DHX29: variants seen among roughly 807,000 people sequenced by gnomAD.
DHX29 encodes ATP-dependent RNA helicase DHX29.
In DHX29, 79 loss-of-function variants were observed where a neutral mutation model predicts 167.9. The ratio of observed to expected loss-of-function variants is 0.47; its 90% CI spans 0.39 to 0.57. DHX29 has a LOEUF of 0.57. Among genes scored for constraint, DHX29 ranks in the 20% least tolerant of loss-of-function variants. DHX29 has a pLI of 0.00. For missense variants in DHX29, 1,347 were observed against 1,593.4 expected (o/e 0.85, Z 2.63); for synonymous variants, 530 against 546.0 (o/e 0.97, Z 0.41).
intron 23 of DHX29, 146 bp from the exon 24 acceptor site, chr5:55,263,078 G>GA (rs545988780): frequency 5.2e-3 from 2,845 of 541,966 alleles, no homozygotes; most frequent in South Asian, 7.9e-3. Context: ...TTACCTTAGG[G>GA]AAAAAAAAAA....
chr5:55,262,647 G>A lies in DHX29; in HGVS notation c.3811C>T (p.Leu1271Phe). 6.2e-7 allele frequency: 1 copy of A among 1,614,014 alleles called. No individual in the cohort carries two copies. The highest frequency in any genetic ancestry group is 8.5e-7 in the Non-Finnish European group (1 of 1,179,916). The change falls in exon 24 of 27, where the codon CTC becomes TTC. Residue 1271 changes from leucine (L) to phenylalanine (F), a missense_variant. Coordinates refer to ENST00000251636, the MANE Select transcript of DHX29 (RefSeq NM_019030.4). ...TACTTCACCTTCTCCTGGTATAAGAGCCATCCATGAGTTTGCAAATCTCGA... is the reference window on the plus strand; with the variant it reads ...TACTTCACCTTCTCCTGGTATAAGAACCATCCATGAGTTTGCAAATCTCGA... ...VNRDLQTHGWLLYQEKIRYAR... is the reference protein window; with the variant it reads ...VNRDLQTHGWFLYQEKIRYAR...
chr5:55,287,989 G>A (rs971713452), intron 8 of DHX29, among the ~76,000 whole-genome samples: 4 of 150,020 alleles, frequency 2.7e-5, no homozygotes, highest in East Asian at 2.0e-4. Context: ...AGTGGCTCAC[G>A]CCTGTAATCC....
chr5:55,286,305 T>A (rs1351327821), intron 8 of DHX29, among the ~76,000 whole-genome samples: 1 of 151,932 alleles, frequency 6.6e-6, no homozygotes, highest in Non-Finnish European at 1.5e-5. Flanking sequence ...AAAGCTTGAT[T>A]TTCTTCTATG....
rs541012812 is a variant in DHX29 at position 55,285,641 on chromosome 5, A to C, written c.1232+55T>G. ...CAGGGAACAAAAAGATTTCCACCTT[A>C]AATTTTTCTAAAGTTCATTCAGTTA... On this transcript the variant is annotated intron_variant, in intron 9 of 26. Coordinates refer to ENST00000251636, the MANE Select transcript of DHX29 (RefSeq NM_019030.4). The C allele has an allele frequency of 5.9e-5, 88 of 1,497,482 alleles. 1 individual carries two copies. The African/African-American group carries it at 1.1e-3, about 20-fold the overall frequency. 92.8% of individuals were successfully genotyped at this position (1,497,482 alleles called of 1,614,324 possible). A position where few individuals can be genotyped will look rare whatever the true frequency, so the allele number is the denominator to read the frequency against.
At chr5:55,257,164 T>C (rs564338627) in intron 26 of DHX29, among the ~76,000 whole-genome samples, 1 of 152,312 alleles carries the variant, frequency 6.6e-6, no homozygotes, top group East Asian at 1.9e-4. Context: ...AGGGGTTTTG[T>C]TAACAACTGC....
rs1579784742 is a variant in DHX29 at position 55,281,389 on chromosome 5, G to A, written c.2092C>T (p.His698Tyr). The change falls in exon 12 of 27, where the codon CAT (histidine) becomes TAT (tyrosine). Residue 698 changes from histidine (H) to tyrosine (Y), a missense_variant. Coordinates refer to ENST00000251636, the MANE Select transcript of DHX29 (RefSeq NM_019030.4). ...CCACTCACCTCATCTACAATAACAT[G>A]AGACACATTACTTAGAAGACCATCT... ...QEDGLLSNVSHVIVDEVHERS... is the reference protein window; with the variant it reads ...QEDGLLSNVSYVIVDEVHERS... The A allele has an allele frequency of 6.3e-7, 1 of 1,598,128 alleles. No homozygotes were observed. Among genetic ancestry groups the A allele is most frequent in the Non-Finnish European group, 8.5e-7 (1 of 1,172,364 alleles).
Position 55,294,025 on chromosome 5 carries a change from AT to A in DHX29, c.771del (p.Lys257AsnfsTer27). ...CACAAATTTCTACTCACAGGGTCAAATTTTTCCTCCTCTTCTAAACTTTTAG... is the reference window on the plus strand; with the variant it reads ...CACAAATTTCTACTCACAGGGTCAAATTTTCCTCCTCTTCTAAACTTTTAG... ...ENSKSLEEEE[K>X]FDPNERYLHL... is the part of the protein sequence containing the mutation. On this transcript the variant is annotated frameshift_variant, in exon 6 of 27. Transcript: ENST00000251636. LOFTEE classifies it high-confidence loss of function. The A allele has an allele frequency of 6.2e-7, 1 of 1,605,820 alleles. No individual in the cohort carries two copies. The highest frequency in any genetic ancestry group is 8.5e-7 in the Non-Finnish European group (1 of 1,177,720).
At chr5:55,304,666 T>C (rs926842544) in intron 1 of DHX29, among the ~76,000 whole-genome samples, 4 of 151,220 alleles carry the variant, frequency 2.6e-5, no homozygotes, top group Non-Finnish European at 5.9e-5. Flanking sequence ...CCCACCCTCC[T>C]CCCTATTCGG....
At chr5:55,301,213 T>C (rs963524630) in intron 1 of DHX29, among the ~76,000 whole-genome samples, 3 of 152,184 alleles carry the variant, frequency 2.0e-5, no homozygotes, top group Non-Finnish European at 2.9e-5. Flanking sequence ...TCGTAACATC[T>C]AGCTTCTGCA....
Position 55,290,269 on chromosome 5 carries a change from T to A in DHX29, c.856A>T (p.Asn286Tyr). The A allele has an allele frequency of 5.0e-6, 8 of 1,612,396 alleles. No homozygotes were observed. Among genetic ancestry groups the A allele is most frequent in the Non-Finnish European group, 6.8e-6 (8 of 1,179,828 alleles). Residue 286 changes from asparagine to tyrosine, a missense_variant, in exon 7 of 27, where the codon AAC becomes TAC. Coordinates refer to ENST00000251636, the MANE Select transcript of DHX29 (RefSeq NM_019030.4). The part of the protein sequence containing the change: ...EQAATFKLEK[N>Y]KQGQKEAQEK... The stretch of plus-strand genomic sequence containing the variant: ...TGAGCCTCTTTTTGGCCTTGCTTGT[T>A]TTTTTCTAGTTTAAAGGTAGCTGCT...
At chr5:55,306,867 C>G (rs556062268) in intron 1 of DHX29, among the ~76,000 whole-genome samples, 1 of 152,264 alleles carries the variant, frequency 6.6e-6, no homozygotes, top group East Asian at 1.9e-4. Context: ...GAAACGAGGG[C>G]AGACAATTTT....
chr5:55,276,496 T>C (rs976374793), intron 13 of DHX29, 90 bp from the exon 14 acceptor site: 4 of 981,708 alleles, frequency 4.1e-6, no homozygotes, highest in Non-Finnish European at 6.0e-6. Flanking sequence ...ACCTTTTGAA[T>C]GTCACCAAAT....
At chr5:55,293,973 C>G (rs1206358679) in intron 6 of DHX29, 44 bp downstream of exon 6, 2 of 1,586,186 alleles carry the variant, frequency 1.3e-6, no homozygotes, top group Admixed American at 3.6e-5. Flanking sequence ...ATATATCTTG[C>G]TTAAGAGCAT....
rs538280160 is a variant in DHX29, at chr5:55,270,824, G to A, written c.2865-118C>T. On this transcript the variant is annotated intron_variant, in intron 18 of 26. Transcript: ENST00000251636. ...CAGGCTTAAAAAATCCATTATTGTG[G>A]ACCAATAGTTCTCAAATTATGCTTC... is the stretch of plus-strand genomic sequence containing the variant. 25 of 687,386 alleles carry A rather than the reference G, an allele frequency of 3.6e-5. 1 individual carries two copies. Among genetic ancestry groups the A allele is most frequent in the Non-Finnish European group, 4.3e-5 (17 of 398,204 alleles). The allele number at this position is 687,386 out of a possible 1,614,324, so 42.6% of individuals were successfully genotyped here.
chr5:55,301,713 C>CAAAAAAAAAAAAA (rs70992777), intron 1 of DHX29, among the ~76,000 whole-genome samples: 1 of 64,736 alleles, frequency 1.5e-5, no homozygotes, highest in African/African-American at 5.6e-5. Context: ...AACTCCATCT[C>CAAAAAAAAAAAAA]AAAAAAAAAA....
intron 16 of DHX29, 127 bp downstream of exon 16, chr5:55,274,487 C>G (rs1747007566): frequency 1.5e-6 from 1 of 647,758 alleles, no homozygotes; most frequent in Non-Finnish European, 2.5e-6. Flanking sequence ...AGAAAAAAAT[C>G]TTACTTCCCC....
At position 55,283,707 on chromosome 5, in the gene DHX29, T is replaced by C; in HGVS notation, c.1461A>G (p.Pro487=). ...GAAGTTTGGCAATAAAAAGATCACG[T>C]GGTTTATTGGTTTCCATTTTATTTA... ...EELNKMETNK[P]RDLFIAKLLN... Residue 487 remains proline, a synonymous_variant, in exon 11 of 27, where the codon CCA becomes CCG. Coordinates refer to ENST00000251636, the MANE Select transcript of DHX29 (RefSeq NM_019030.4). 6.2e-7 allele frequency: 1 copy of C among 1,614,058 alleles called. No homozygotes were observed. Among genetic ancestry groups the C allele is most frequent in the Non-Finnish European group, 8.5e-7 (1 of 1,179,996 alleles).
intron 20 of DHX29, 26 bp from the exon 21 acceptor site, chr5:55,269,663 T>A: frequency 6.3e-7 from 1 of 1,580,644 alleles, no homozygotes; most frequent in Non-Finnish European, 8.7e-7. Flanking sequence ...GCAATAAAAT[T>A]GGTATGAAAT....
At position 55,267,706 on chromosome 5, in the gene DHX29, C is replaced by T. The variant is rs61757584; in HGVS notation, c.3411G>A (p.Thr1137=). Residue 1137 remains threonine, a synonymous_variant, in exon 22 of 27, where the codon ACG becomes ACA. Transcript: ENST00000251636. ...TTTACCCTAGATATGCATTGTAGAT[C>T]GTCAGGTGGTCTGAATCCGCCATGG... The part of the protein sequence containing the change: ...ALAMADSDHL[T]IYNAYLGWKK... The T allele has an allele frequency of 2.2e-3, 3,463 of 1,601,602 alleles. 3 individuals are homozygous for T. The highest frequency in any genetic ancestry group is 2.5e-3 in the Non-Finnish European group (2,976 of 1,174,084).
Sources: gnomAD v4.1 joint callset for allele counts (sites outside exome capture counted in the v4.1 genomes callset) on GRCh38, gnomAD v4.1.1 for gene constraint, MANE v1.5 for transcripts, NCBI Gene and HGNC (gene_info 2026-07-23, HGNC 2026-07-21) for gene names.